TOP3A: variants seen among roughly 807,000 people sequenced by gnomAD.
The protein encoded by TOP3A is DNA topoisomerase 3-alpha.
A neutral mutation model predicts 111.3 loss-of-function variants in TOP3A; 64 were observed. The ratio of observed to expected loss-of-function variants is 0.57; its 90% CI spans 0.47 to 0.71. The LOEUF (loss-of-function observed/expected upper bound fraction) is 0.71, where lower values mean the gene tolerates loss of function less well. Among genes scored for constraint, TOP3A ranks in the 30% least tolerant of loss-of-function variants. TOP3A has a pLI of 0.00. For missense variants in TOP3A, 1,104 were observed against 1,285.0 expected (o/e 0.86, Z 2.15); for synonymous variants, 484 against 485.1 (o/e 1.00, Z 0.03).
intron 13 of TOP3A, among the ~76,000 whole-genome samples, chr17:18,288,701 C>T (rs1051518110): frequency 7.9e-5 from 12 of 152,228 alleles, no homozygotes; most frequent in African/African-American, 2.9e-4. Flanking sequence ...CTACCCTGCA[C>T]TGGGCTGCCC....
intron 1 of TOP3A, among the ~76,000 whole-genome samples, chr17:18,311,572 G>T (rs1981915226): frequency 6.6e-6 from 1 of 152,214 alleles, no homozygotes; most frequent in African/African-American, 2.4e-5. Context: ...GGGATTACAG[G>T]CATGAGCCGC....
Position 18,285,145 on chromosome 17 carries a change from T to C in TOP3A, c.1874A>G (p.Lys625Arg). 1 of 1,613,796 alleles carries C rather than the reference T, an allele frequency of 6.2e-7. No individual in the cohort carries two copies. ...QVFIEAVAKAKKLDEALAQYF... is the reference protein window; with the variant it reads ...QVFIEAVAKARKLDEALAQYF... ...TGTATTTCTTTTAAGGACTTACTTC[T>C]TTGCTTTAGCCACCGCTTCAATGAA... The change falls in exon 15 of 19, where the codon AAG (lysine) becomes AGG (arginine). Residue 625 changes from lysine to arginine, a missense_variant. By Grantham distance (26) the Lys-to-Arg change is conservative (BLOSUM62 2). Transcript: ENST00000321105.
At chr17:18,288,145 ATAT>A (rs1390355265) in intron 13 of TOP3A, among the ~76,000 whole-genome samples, 2,253 of 139,000 alleles carry the variant, frequency 0.016, 31 homozygotes, top group Middle Eastern at 0.033. Context: ...ATATATATAT[ATAT>A]AAATTTTTTT....
chr17:18,280,533 C>T lies in TOP3A; in HGVS notation c.2144+3G>A. The stretch of plus-strand genomic sequence containing the variant: ...AGGCACCTGACTCAGGTGCCCAGCT[C>T]ACCTGTACACAGGGTGTGGCTGACA... On this transcript the variant is annotated splice_donor_region_variant and intron_variant, in intron 17 of 18. Transcript: ENST00000321105. 1 of 1,613,156 alleles carries T rather than the reference C, an allele frequency of 6.2e-7. No individual in the cohort carries two copies. Among genetic ancestry groups the T allele is most frequent in the Non-Finnish European group, 8.5e-7 (1 of 1,179,514 alleles).
chr17:18,302,184 A>G (rs1981272499), intron 7 of TOP3A, 80 bp downstream of exon 7: 2 of 1,482,162 alleles, frequency 1.3e-6, no homozygotes, highest in Non-Finnish European at 1.8e-6. Context: ...CATCTTTATT[A>G]GTGCTATTAA....
intron 1 of TOP3A, 56 bp from the exon 2 acceptor site, chr17:18,308,997 T>C: frequency 1.0e-6 from 1 of 997,060 alleles, no homozygotes; most frequent in South Asian, 1.8e-5. Context: ...ATGGATTCCT[T>C]TGTATAATTC....
intron 1 of TOP3A, among the ~76,000 whole-genome samples, chr17:18,313,885 G>A (rs1161927751): frequency 6.6e-6 from 1 of 152,160 alleles, no homozygotes; most frequent in African/African-American, 2.4e-5. Flanking sequence ...ACCATTTCAG[G>A]ATCTACTTTT....
At chr17:18,277,561 T>C (rs2142931738) in intron 18 of TOP3A, 114 bp downstream of exon 18, 1 of 1,218,300 alleles carries the variant, frequency 8.2e-7, no homozygotes, top group East Asian at 2.4e-5. Flanking sequence ...GCAGCCCAGG[T>C]GCCCCTCCCA....
chr17:18,299,107 CAAAAAAT>C (rs531904856), intron 9 of TOP3A, among the ~76,000 whole-genome samples: 123 of 150,392 alleles, frequency 8.2e-4, no homozygotes, highest in Admixed American at 3.4e-3. Flanking sequence ...AACTCCATCT[CAAAAAAT>C]AAAAAATAAA....
At position 18,277,999 on chromosome 17, in the gene TOP3A, A is replaced by G; in HGVS notation, c.2503T>C (p.Phe835Leu). ...CAGCTACCTCCGTTGCACTTAAAGA[A>G]CTGCCGGCCCCGGTTGGGGCCCTCC... The part of the protein sequence containing the change: ...RKEGPNRGRQ[F>L]FKCNGGSCNF... The change falls in exon 18 of 19, where the codon TTC becomes CTC. Residue 835 changes from phenylalanine (F) to leucine (L), a missense_variant. By Grantham distance (22) the Phe-to-Leu change is conservative (BLOSUM62 0). Transcript: ENST00000321105. 1 of 1,614,074 alleles carries G rather than the reference A, an allele frequency of 6.2e-7. No homozygotes were observed. Among genetic ancestry groups the G allele is most frequent in the Non-Finnish European group, 8.5e-7 (1 of 1,180,034 alleles).
At position 18,285,187 on chromosome 17, in the gene TOP3A, T is replaced by C. The variant is rs746965818; in HGVS notation, c.1832A>G (p.Gln611Arg). 2.5e-6 allele frequency: 4 copies of C among 1,614,250 alleles called. No individual in the cohort carries two copies. The highest frequency in any genetic ancestry group is 3.4e-6 in the Non-Finnish European group (4 of 1,180,042). Residue 611 changes from glutamine to arginine, a missense_variant, in exon 15 of 19, where the codon CAG becomes CGG. Gln to Arg is a conservative substitution (Grantham distance 43). Coordinates refer to ENST00000321105, the MANE Select transcript of TOP3A (RefSeq NM_004618.5). ...DKFVVLRQQVQKYKQVFIEAV... is the reference protein window; with the variant it reads ...DKFVVLRQQVRKYKQVFIEAV... ...TTCAATGAAAACCTGCTTGTATTTC[T>C]GCACTTGCTGCCTTAGAACCACAAA... is the stretch of plus-strand genomic sequence containing the variant.
intron 9 of TOP3A, among the ~76,000 whole-genome samples, chr17:18,298,595 G>T (rs1373358690): frequency 5.3e-5 from 8 of 151,822 alleles, no homozygotes; most frequent in African/African-American, 1.7e-4. Context: ...GACAATGGAG[G>T]TTTTGTGGAA....
At position 18,273,928 on chromosome 17, in the gene TOP3A, T is replaced by C. The variant is rs1181870210; in HGVS notation, c.*874A>G. On this transcript the variant is annotated 3_prime_UTR_variant, in exon 19 of 19. Coordinates refer to ENST00000321105, the MANE Select transcript of TOP3A (RefSeq NM_004618.5). ...GTGAGCCTCCACGCCCTGCCGGGGTTGGATTCTTTTTATTTTTTTAAATTT... is the reference window on the plus strand; with the variant it reads ...GTGAGCCTCCACGCCCTGCCGGGGTCGGATTCTTTTTATTTTTTTAAATTT... 6.6e-6 allele frequency: 1 copy of C among 151,952 alleles called. No homozygotes were observed. Among genetic ancestry groups the C allele is most frequent in the Non-Finnish European group, 1.5e-5 (1 of 67,976 alleles). 9.4% of individuals were successfully genotyped at this position (151,952 alleles called of 1,614,324 possible). A position where few individuals can be genotyped will look rare whatever the true frequency, so the allele number is the denominator to read the frequency against.
intron 1 of TOP3A, among the ~76,000 whole-genome samples, chr17:18,309,749 G>A (rs907495299): frequency 1.1e-4 from 14 of 132,712 alleles, no homozygotes; most frequent in African/African-American, 2.1e-4. Context: ...TGGCTCTGTC[G>A]CCCAGGCTGG....
intron 11 of TOP3A, 120 bp downstream of exon 11, chr17:18,292,525 G>C (rs1001203752): frequency 7.4e-6 from 7 of 949,892 alleles, no homozygotes; most frequent in Non-Finnish European, 9.1e-6. Flanking sequence ...TGTGAAATGA[G>C]AGAGATCTCA....
In TOP3A at chr17:18,305,057, ACT is replaced by A. The variant is rs1453859131; in HGVS notation, c.499+53_499+54del. The A allele has an allele frequency of 1.3e-5, 19 of 1,442,608 alleles. No homozygotes were observed. In the East Asian group the frequency reaches 2.3e-4, roughly 17 times the overall value. The allele number at this position is 1,442,608 out of a possible 1,614,324, so 89.4% of individuals were successfully genotyped here. A position where few individuals can be genotyped will look rare whatever the true frequency, so the allele number is the denominator to read the frequency against. On this transcript the variant is annotated intron_variant, in intron 5 of 18. Coordinates refer to ENST00000321105, the MANE Select transcript of TOP3A (RefSeq NM_004618.5). ...CCCATGTGCACATATAAACAAGAAC[ACT>A]CTATTTATGGAGTTCCAAAGTAGAG...
At position 18,285,476 on chromosome 17, in the gene TOP3A, G is replaced by A. The variant is rs753712199; in HGVS notation, c.1642C>T (p.Arg548Trp). 1.1e-5 allele frequency: 17 copies of A among 1,613,962 alleles called. No individual in the cohort carries two copies. Among genetic ancestry groups the A allele is most frequent in the Non-Finnish European group, 1.4e-5 (17 of 1,180,032 alleles). ...HAEHIETIKA[R>W]MYVGLTPDKR... ...TCTGGGGTGAGGCCCACGTACATCCGGGCTTTGATGGTCTCGATGTGCTCC... is the reference window on the plus strand; with the variant it reads ...TCTGGGGTGAGGCCCACGTACATCCAGGCTTTGATGGTCTCGATGTGCTCC... The change falls in exon 14 of 19, where the codon CGG (arginine) becomes TGG (tryptophan). Residue 548 changes from arginine to tryptophan, a missense_variant. Arg to Trp is a moderately radical substitution (Grantham distance 101, BLOSUM62 -3). Coordinates refer to ENST00000321105, the MANE Select transcript of TOP3A (RefSeq NM_004618.5).
chr17:18,278,110 T>C lies in TOP3A; in HGVS notation c.2392A>G (p.Thr798Ala). Residue 798 changes from threonine (T) to alanine (A), a missense_variant, in exon 18 of 19, where the codon ACC (threonine) becomes GCC (alanine). Physicochemically the swap from Thr to Ala is moderately conservative, Grantham distance 58. Coordinates refer to ENST00000321105, the MANE Select transcript of TOP3A (RefSeq NM_004618.5). ...QTGSSKALAQ[T>A]LPPPTAAGES... ...CCAGCAGCCGTGGGTGGTGGGAGGG[T>C]CTGGGCCAGAGCCTTTGAGGACCCA... 6.2e-7 allele frequency: 1 copy of C among 1,614,030 alleles called. No homozygotes were observed. The highest frequency in any genetic ancestry group is 8.5e-7 in the Non-Finnish European group (1 of 1,179,998).
chr17:18,310,286 C>T (rs982748098), intron 1 of TOP3A, among the ~76,000 whole-genome samples: 2 of 151,500 alleles, frequency 1.3e-5, no homozygotes, highest in Non-Finnish European at 2.9e-5. Context: ...ATTAGCTGGG[C>T]GTGGTGGTGG....
Sources: allele counts gnomAD v4.1 joint callset (sites outside exome capture counted in the v4.1 genomes callset), GRCh38; gene constraint gnomAD v4.1.1; transcripts MANE v1.5; gene names NCBI Gene and HGNC (gene_info 2026-07-23, HGNC 2026-07-21).